The following LINGO2 variants were observed in gnomAD, a reference collection of about 807,000 sequenced individuals.
LINGO2 encodes leucine-rich repeat and immunoglobulin-like domain-containing nogo receptor-interacting protein 2.
LINGO2 carries 14 observed loss-of-function variants against 30.6 expected under a neutral mutation model. The ratio of observed to expected loss-of-function variants is 0.46; its 90% confidence interval spans 0.30 to 0.72. The LOEUF is 0.72. LINGO2 is among the 30% of genes least tolerant of loss of function. The pLI is 0.07. For synonymous variants in LINGO2, 317 were observed against 288.5 expected (o/e 1.10, Z -1.00); for missense variants, 729 against 751.7 (o/e 0.97, Z 0.35).
chr9:28,368,627 C>A (rs7037050), intron 3 of LINGO2, among the ~76,000 whole-genome samples: 48,381 of 146,024 alleles, frequency 0.33, 8,206 homozygotes, highest in Middle Eastern at 0.48. Context: ...GACGGAGTCT[C>A]GCTTTGTAGC....
intron 4 of LINGO2, among the ~76,000 whole-genome samples, chr9:28,031,529 A>T (rs78737990): frequency 6.6e-6 from 1 of 152,184 alleles, no homozygotes; most frequent in Non-Finnish European, 1.5e-5. Flanking sequence ...AGATTGCTTT[A>T]GTAGGAATCT....
chr9:28,927,192 T>C, the LINGO2 span, among the ~76,000 whole-genome samples: 1 of 152,200 alleles, frequency 6.6e-6, no homozygotes, highest in East Asian at 1.9e-4. Flanking sequence ...AAGGGACACA[T>C]TTGAAAAATG....
intron 4 of LINGO2, among the ~76,000 whole-genome samples, chr9:28,079,447 A>G (rs1181997199): frequency 6.6e-6 from 1 of 152,234 alleles, no homozygotes; most frequent in Non-Finnish European, 1.5e-5. Context: ...CAGTTACTCT[A>G]AAATAACTAA....
At chr9:29,026,593 T>TA in the LINGO2 span, among the ~76,000 whole-genome samples, 9 of 151,906 alleles carry the variant, frequency 5.9e-5, no homozygotes, top group African/African-American at 1.4e-4. Context: ...ACTATGCAAT[T>TA]AAAAAAAATT....
upstream of LINGO2, among the ~76,000 whole-genome samples, chr9:28,673,876 A>T (rs553606353): frequency 6.6e-6 from 1 of 152,094 alleles, no homozygotes; most frequent in African/African-American, 2.4e-5. Flanking sequence ...TAAACAGAAG[A>T]CAAAAAGTAG....
the LINGO2 span, among the ~76,000 whole-genome samples, chr9:28,721,743 G>T: frequency 6.6e-6 from 1 of 151,964 alleles, no homozygotes. Flanking sequence ...CAGTTGATAG[G>T]TGCAGTACCA....
the LINGO2 span, among the ~76,000 whole-genome samples, chr9:29,019,560 A>G: frequency 6.6e-6 from 1 of 152,082 alleles, no homozygotes; most frequent in Non-Finnish European, 1.5e-5. Context: ...TATTGGTCAC[A>G]TTTTGTCTAG....
At chr9:27,943,412 C>T (rs1030827283), downstream of LINGO2, 4 of 152,108 alleles carry the variant, frequency 2.6e-5, no homozygotes, top group Admixed American at 6.5e-5. Context: ...GTGAAGTACT[C>T]TCTTGATTAT....
intron 1 of LINGO2, among the ~76,000 whole-genome samples, chr9:28,497,424 G>C (rs1283876958): frequency 1.3e-5 from 2 of 152,060 alleles, no homozygotes; most frequent in African/African-American, 2.4e-5. Context: ...TTGAATCACT[G>C]ATACCCTTTC....
At position 27,948,727 on chromosome 9, in the gene LINGO2, A is replaced by G. The variant is rs1823467568; in HGVS notation, c.*124T>C. On this transcript the variant is annotated 3_prime_UTR_variant, in exon 6 of 6. Transcript: ENST00000379992. ...CCATTGGAAGTCCTCCTGCTTCCAT[A>G]GACCCTGCTTTTGATACAGGGGCAG... The G allele has an allele frequency of 4.9e-5, 56 of 1,153,756 alleles. 3 individuals are homozygous for G. In the South Asian group the frequency reaches 7.8e-4, roughly 16 times the overall value. The allele number at this position is 1,153,756 out of a possible 1,614,324, so 71.5% of individuals were successfully genotyped here. A position where few individuals can be genotyped will look rare whatever the true frequency, so the allele number is the denominator to read the frequency against.
the LINGO2 span, among the ~76,000 whole-genome samples, chr9:29,124,383 A>G: frequency 0.013 from 2,046 of 152,288 alleles, 20 homozygotes; most frequent in Non-Finnish European, 0.023. Context: ...CACCAAAACC[A>G]ATGGCAACAA....
At chr9:28,170,779 G>C (rs569458797) in intron 4 of LINGO2, among the ~76,000 whole-genome samples, 1 of 152,048 alleles carries the variant, frequency 6.6e-6, no homozygotes, top group South Asian at 2.1e-4. Flanking sequence ...TTTTATCATC[G>C]CATTTCCTTC....
chr9:28,716,519 A>G, the LINGO2 span, among the ~76,000 whole-genome samples: 1 of 152,102 alleles, frequency 6.6e-6, no homozygotes, highest in South Asian at 2.1e-4. Context: ...AAAAGAAGCC[A>G]GTATAGGATC....
At chr9:28,566,728 G>A (rs1021477054) in intron 1 of LINGO2, among the ~76,000 whole-genome samples, 4 of 152,122 alleles carry the variant, frequency 2.6e-5, no homozygotes, top group Non-Finnish European at 4.4e-5. Flanking sequence ...ACAAGTAAAG[G>A]ATATGGCATG....
At chr9:28,330,542 T>G (rs1825382027) in intron 3 of LINGO2, among the ~76,000 whole-genome samples, 2 of 152,166 alleles carry the variant, frequency 1.3e-5, no homozygotes, top group Admixed American at 6.5e-5. Flanking sequence ...CTAAGGGCTG[T>G]GCTTGGTACA....
Position 28,342,076 on chromosome 9 carries a change from A to G in LINGO2, c.-246+30760T>C, listed in dbSNP as rs565924403. 5.3e-5 allele frequency among the ~76,000 whole-genome samples: 8 copies of G among 152,250 alleles called. No individual in the cohort carries two copies. In the South Asian group the frequency reaches 1.4e-3, roughly 28 times the overall value. On this transcript the variant is annotated intron_variant, in intron 3 of 5. Coordinates refer to ENST00000379992, the Ensembl canonical transcript of LINGO2. ...TTATGGGGAAAGTTCTCCTTCTTCT[A>G]AGGGACCGTATGTTAACTCTCTTCT...
the LINGO2 span, among the ~76,000 whole-genome samples, chr9:28,983,923 G>T: frequency 6.6e-6 from 1 of 151,920 alleles, no homozygotes; most frequent in Admixed American, 6.6e-5. Context: ...ATCATCCTTG[G>T]TCTGTATCTG....
chr9:29,211,594 T>C, the LINGO2 span, among the ~76,000 whole-genome samples: 2 of 151,806 alleles, frequency 1.3e-5, no homozygotes. Flanking sequence ...TCTCTCTCTC[T>C]CCCTCCCTCC....
chr9:28,215,547 G>T (rs1820737108), intron 4 of LINGO2, among the ~76,000 whole-genome samples: 1 of 151,800 alleles, frequency 6.6e-6, no homozygotes, highest in South Asian at 2.1e-4. Context: ...AAGAGCAAGT[G>T]AATATTTTCT....
Sources: allele counts gnomAD v4.1 joint callset (sites outside exome capture counted in the v4.1 genomes callset), GRCh38; gene constraint gnomAD v4.1.1; transcripts MANE v1.5; gene names NCBI Gene and HGNC (gene_info 2026-07-23, HGNC 2026-07-21).